Variants in TTC6 observed in about 807,000 individuals in gnomAD.
TTC6 encodes the protein tetratricopeptide repeat domain 6, also known as tetratricopeptide repeat protein 6.
A neutral mutation model predicts 210.4 loss-of-function variants in TTC6; 172 were observed. The observed-to-expected ratio is 0.82, with a 90% CI of 0.72 to 0.93. The LOEUF is 0.93. TTC6 is among the 40% of genes least tolerant of loss of function. TTC6 has a pLI of 0.00. For missense variants in TTC6, 2,414 were observed against 2,318.1 expected, an observed-to-expected ratio of 1.04 and a Z score of -0.85; for synonymous variants, 804 against 819.6, an observed-to-expected ratio of 0.98 and a Z score of 0.32.
At chr14:37,803,747 A>G (rs139823637) in intron 20 of TTC6, among the ~76,000 whole-genome samples, 13 of 152,316 alleles carry the variant, frequency 8.5e-5, no homozygotes, top group Middle Eastern at 3.4e-3. Context: ...GAATGAAGAT[A>G]TAGATTCATC....
intron 1 of TTC6, among the ~76,000 whole-genome samples, chr14:37,636,664 A>C: frequency 6.6e-6 from 1 of 152,188 alleles, no homozygotes; most frequent in East Asian, 1.9e-4. Flanking sequence ...AAAGAGAAAA[A>C]GCATCAGATC....
chr14:37,787,510 A>G (rs1213324646), exon 15 of TTC6: 8 of 1,529,896 alleles, frequency 5.2e-6, no homozygotes, highest in Non-Finnish European at 6.1e-6. Flanking sequence ...AATTTTATAA[A>G]GAAGCAACTC....
intron 1 of TTC6, among the ~76,000 whole-genome samples, chr14:37,665,689 T>C (rs1221057177): frequency 6.7e-6 from 1 of 150,338 alleles, no homozygotes; most frequent in Non-Finnish European, 1.5e-5. Flanking sequence ...ACTGGCAAAA[T>C]TAACCTTGAG....
At chr14:37,766,441 T>A (rs1425242979) in intron 14 of TTC6, among the ~76,000 whole-genome samples, 1 of 152,198 alleles carries the variant, frequency 6.6e-6, no homozygotes, top group Non-Finnish European at 1.5e-5. Context: ...AGCTCCTACT[T>A]ATAAGTGAGA....
chr14:37,642,228 T>C (rs1402097831), intron 1 of TTC6, among the ~76,000 whole-genome samples: 1 of 152,084 alleles, frequency 6.6e-6, no homozygotes, highest in Admixed American at 6.6e-5. Context: ...CTGAGGAGGG[T>C]CAGCAAGAAC....
chr14:37,801,448 T>C (rs1055830727), intron 20 of TTC6, among the ~76,000 whole-genome samples: 1 of 152,208 alleles, frequency 6.6e-6, no homozygotes, highest in Admixed American at 6.5e-5. Flanking sequence ...AATCATACCC[T>C]ATGTTATCTC....
At position 37,674,184 on chromosome 14, in the gene TTC6, T is replaced by A. The variant is rs1266521772; in HGVS notation, c.940-5967T>A. On this transcript the variant is annotated intron_variant, in intron 1 of 30. Coordinates refer to ENST00000553443, the Ensembl canonical transcript of TTC6. Reference sequence around the variant, plus strand: ...CTGTTTTGGTAGTTTATAATTTTTGTTACCTTCATGATTTTGTTCCTTTTC... The same window carrying A: ...CTGTTTTGGTAGTTTATAATTTTTGATACCTTCATGATTTTGTTCCTTTTC... Among the ~76,000 whole-genome samples, 3 of 152,100 alleles carry A rather than the reference T, an allele frequency of 2.0e-5. No individual in the cohort carries two copies. The East Asian group carries it at 5.8e-4, about 29-fold the overall frequency.
intron 29 of TTC6, among the ~76,000 whole-genome samples, chr14:37,837,888 A>C (rs553427610): frequency 6.6e-6 from 1 of 152,314 alleles, no homozygotes; most frequent in South Asian, 2.1e-4. Flanking sequence ...AGAGGAAAAT[A>C]GTTCAGTGAC....
intron 1 of TTC6, among the ~76,000 whole-genome samples, chr14:37,603,633 C>A (rs141894754): frequency 6.6e-6 from 1 of 152,182 alleles, no homozygotes; most frequent in African/African-American, 2.4e-5. Context: ...AAGAGACAGA[C>A]CAACCTGTCC....
chr14:37,727,520 C>T (rs535407196), intron 7 of TTC6, among the ~76,000 whole-genome samples: 5 of 100,134 alleles, frequency 5.0e-5, no homozygotes, highest in South Asian at 4.1e-4. Context: ...GTCTTGATCT[C>T]CTGACCTTGT....
intron 10 of TTC6, among the ~76,000 whole-genome samples, chr14:37,745,480 C>T (rs1313520281): frequency 6.6e-6 from 1 of 152,040 alleles, no homozygotes; most frequent in Non-Finnish European, 1.5e-5. Context: ...AGGACAGTTT[C>T]CGAGATTTCC....
At chr14:37,838,899 C>T (rs1396042985) in intron 29 of TTC6, among the ~76,000 whole-genome samples, 11 of 152,054 alleles carry the variant, frequency 7.2e-5, no homozygotes, top group Admixed American at 2.0e-4. Flanking sequence ...TGAGAACATG[C>T]GGTGTTTGGT....
chr14:37,651,853 G>C (rs2095713706), intron 1 of TTC6, among the ~76,000 whole-genome samples: 1 of 152,158 alleles, frequency 6.6e-6, no homozygotes, highest in Non-Finnish European at 1.5e-5. Flanking sequence ...GTGGGATGCA[G>C]AGTCTAGAGG....
At chr14:37,661,760 G>A (rs1034182637) in intron 1 of TTC6, among the ~76,000 whole-genome samples, 4 of 152,060 alleles carry the variant, frequency 2.6e-5, no homozygotes, top group African/African-American at 9.7e-5. Flanking sequence ...ATTACTTTGG[G>A]CAGTATGACC....
At chr14:37,730,974 A>G (rs1202978745) in intron 7 of TTC6, among the ~76,000 whole-genome samples, 1 of 152,224 alleles carries the variant, frequency 6.6e-6, no homozygotes, top group Non-Finnish European at 1.5e-5. Flanking sequence ...ATTCAAGGTC[A>G]TTAATTTCAT....
At chr14:37,637,821 A>C (rs1245784810) in intron 1 of TTC6, among the ~76,000 whole-genome samples, 1 of 152,234 alleles carries the variant, frequency 6.6e-6, no homozygotes, top group Non-Finnish European at 1.5e-5. Context: ...TAATTAAAAA[A>C]AGTGGCAACA....
At chr14:37,673,096 A>G (rs1345696846) in intron 1 of TTC6, among the ~76,000 whole-genome samples, 1 of 151,700 alleles carries the variant, frequency 6.6e-6, no homozygotes, top group African/African-American at 2.4e-5. Context: ...TTTTTTCTTT[A>G]TCAAATCACA....
chr14:37,799,201 A>C (rs895644037), intron 20 of TTC6, among the ~76,000 whole-genome samples: 1 of 151,966 alleles, frequency 6.6e-6, no homozygotes, highest in African/African-American at 2.4e-5. Flanking sequence ...TATTATTCCT[A>C]TTTTTTCTCC....
At chr14:37,763,480 G>A (rs754613068) in intron 14 of TTC6, among the ~76,000 whole-genome samples, 14 of 151,986 alleles carry the variant, frequency 9.2e-5, no homozygotes, top group Admixed American at 2.0e-4. Flanking sequence ...CAATTTCTTC[G>A]CTTGATATGA....
Sources: allele counts gnomAD v4.1 joint callset (sites outside exome capture counted in the v4.1 genomes callset), GRCh38; gene constraint gnomAD v4.1.1; transcripts MANE v1.5; gene names NCBI Gene and HGNC (gene_info 2026-07-23, HGNC 2026-07-21).